Variants in CDH12 observed in about 807,000 individuals in gnomAD.
The protein encoded by CDH12 is cadherin-12.
Under a neutral mutation model 74.1 loss-of-function variants are expected in CDH12, and 41 were observed. The ratio of observed to expected loss-of-function variants is 0.55; its 90% CI spans 0.43 to 0.72. CDH12 has a LOEUF of 0.72. Ranked by LOEUF, CDH12 falls within the 30% of genes least tolerant of loss-of-function variation. The pLI, the probability that CDH12 is intolerant of heterozygous loss-of-function variation, is 0.00. For missense variants in CDH12, 945 were observed against 977.2 expected (o/e 0.97, Z 0.44); for synonymous variants, 399 against 355.0 (o/e 1.12, Z -1.39).
chr5:22,341,375 G>T (rs1196816480), intron 3 of CDH12, among the ~76,000 whole-genome samples: 4 of 152,110 alleles, frequency 2.6e-5, no homozygotes, highest in African/African-American at 9.7e-5. Context: ...TGTTTGACTT[G>T]AGCAGTTACA....
intron 1 of CDH12, among the ~76,000 whole-genome samples, chr5:22,758,245 T>TTTG (rs993824347): frequency 2.0e-5 from 3 of 152,114 alleles, no homozygotes; most frequent in South Asian, 2.1e-4. Flanking sequence ...ATTATAGAGT[T>TTTG]TTGTTGTTGT....
intron 3 of CDH12, among the ~76,000 whole-genome samples, chr5:22,385,564 C>A (rs1741961598): frequency 6.6e-6 from 1 of 152,112 alleles, no homozygotes; most frequent in South Asian, 2.1e-4. Context: ...GGAGTCATTC[C>A]TTTGAAATGT....
At chr5:22,834,016 G>T (rs1736722960) in intron 1 of CDH12, among the ~76,000 whole-genome samples, 1 of 152,152 alleles carries the variant, frequency 6.6e-6, no homozygotes. Context: ...CCATGAGATA[G>T]ACTAGACAGC....
At chr5:22,339,456 G>A (rs957878072) in intron 3 of CDH12, among the ~76,000 whole-genome samples, 1 of 152,026 alleles carries the variant, frequency 6.6e-6, no homozygotes, top group Non-Finnish European at 1.5e-5. Context: ...ATAAATATTT[G>A]GTTTTGAGGG....
At chr5:22,730,755 A>C (rs1367620485) in intron 1 of CDH12, among the ~76,000 whole-genome samples, 3 of 151,786 alleles carry the variant, frequency 2.0e-5, no homozygotes, top group Admixed American at 1.3e-4. Context: ...AATTGTAGGA[A>C]AAATGATTTT....
chr5:22,190,314 TGAG>T (rs1750194741), intron 4 of CDH12, among the ~76,000 whole-genome samples: 2 of 152,058 alleles, frequency 1.3e-5, no homozygotes, highest in Non-Finnish European at 2.9e-5. Context: ...TGTTGGATGA[TGAG>T]AACTCATTTC....
chr5:21,979,307 G>C lies in CDH12; in HGVS notation c.232-3922C>G, dbSNP rs1005577439. On this transcript the variant is annotated intron_variant, in intron 5 of 14. Coordinates refer to ENST00000382254, the MANE Select transcript of CDH12 (RefSeq NM_004061.5). ...AAAATAAAATTTCTCCCCAGAAAAA[G>C]AGTTCTATAAATGATGGCTGTAGAA... Among the ~76,000 whole-genome samples, 122 of 152,122 alleles carry C rather than the reference G, an allele frequency of 8.0e-4. 1 individual carries two copies. Among genetic ancestry groups the C allele is most frequent in the Non-Finnish European group, 1.7e-3 (113 of 68,040 alleles).
intron 7 of CDH12, among the ~76,000 whole-genome samples, chr5:21,853,126 T>G (rs946487667): frequency 2.0e-5 from 3 of 151,494 alleles, no homozygotes; most frequent in African/African-American, 7.3e-5. Flanking sequence ...ATATAAGATT[T>G]TTTTCACAGC....
At position 22,595,098 on chromosome 5, in the gene CDH12, AC is replaced by A. The variant is rs1233911102; in HGVS notation, c.-522-89735del. On this transcript the variant is annotated intron_variant, in intron 1 of 14. Transcript: ENST00000382254. The stretch of plus-strand genomic sequence containing the variant: ...CCTTTAAATTTTAATGGAAGTCCAT[AC>A]AAAAAAAGACATAAAATGATATACT... Among the ~76,000 whole-genome samples the A allele has an allele frequency of 2.6e-5, 4 of 152,330 alleles. No individual in the cohort carries two copies. In the East Asian group the frequency reaches 7.7e-4, roughly 29 times the overall value.
At chr5:22,653,275 C>T (rs1739835059) in intron 1 of CDH12, among the ~76,000 whole-genome samples, 1 of 152,084 alleles carries the variant, frequency 6.6e-6, no homozygotes. Flanking sequence ...ATACCTTCAG[C>T]CTTGAGCTCT....
chr5:21,854,642 G>T (rs376714413), intron 7 of CDH12, 29 bp downstream of exon 7: 1 of 1,425,702 alleles, frequency 7.0e-7, no homozygotes, highest in South Asian at 1.2e-5. Flanking sequence ...AAGGGCTGGT[G>T]ATAATGTTGC....
At chr5:21,827,437 A>G (rs11741054) in intron 8 of CDH12, among the ~76,000 whole-genome samples, 94,574 of 151,772 alleles carry the variant, frequency 0.62, 31,036 homozygotes, top group Non-Finnish European at 0.73. Flanking sequence ...AGAAGAGGAT[A>G]GGGCACTAAA....
intron 1 of CDH12, among the ~76,000 whole-genome samples, chr5:22,657,718 A>G (rs535963068): frequency 6.6e-6 from 1 of 152,336 alleles, no homozygotes; most frequent in African/African-American, 2.4e-5. Flanking sequence ...TTCCCAAAGT[A>G]TAAACTCACG....
chr5:21,860,575 C>G (rs1386920587), intron 6 of CDH12, among the ~76,000 whole-genome samples: 5 of 152,028 alleles, frequency 3.3e-5, no homozygotes, highest in Non-Finnish European at 7.4e-5. Flanking sequence ...CTCACTTGCT[C>G]TCAATCTGGG....
At chr5:22,041,357 T>C (rs1331612179) in intron 5 of CDH12, among the ~76,000 whole-genome samples, 2 of 152,042 alleles carry the variant, frequency 1.3e-5, no homozygotes, top group African/African-American at 4.8e-5. Flanking sequence ...GATTAAATTC[T>C]CCAATCAAAA....
intron 1 of CDH12, among the ~76,000 whole-genome samples, chr5:22,831,899 C>A (rs558805874): frequency 1.3e-5 from 2 of 151,056 alleles, no homozygotes; most frequent in South Asian, 2.1e-4. Flanking sequence ...TCTGTCCCCC[C>A]CAAAAAAAAA....
chr5:22,819,391 T>TA (rs1390679507), intron 1 of CDH12, among the ~76,000 whole-genome samples: 1 of 152,050 alleles, frequency 6.6e-6, no homozygotes, highest in African/African-American at 2.4e-5. Context: ...AAATATATCT[T>TA]AAATAGGTAA....
intron 5 of CDH12, among the ~76,000 whole-genome samples, chr5:22,006,258 G>A (rs558902978): frequency 6.6e-6 from 1 of 152,042 alleles, no homozygotes; most frequent in South Asian, 2.1e-4. Flanking sequence ...GCCTCAAGCA[G>A]TTCTCCCATC....
chr5:22,610,451 T>G (rs990742844), intron 1 of CDH12, among the ~76,000 whole-genome samples: 1 of 152,176 alleles, frequency 6.6e-6, no homozygotes, highest in African/African-American at 2.4e-5. Context: ...ATGTATTAGA[T>G]TCTGCAGATG....
Sources: allele counts gnomAD v4.1 joint callset (sites outside exome capture counted in the v4.1 genomes callset), GRCh38; gene constraint gnomAD v4.1.1; transcripts MANE v1.5; gene names NCBI Gene and HGNC (gene_info 2026-07-23, HGNC 2026-07-21).